The following GREB1L variants were observed in gnomAD, a reference collection of about 807,000 sequenced individuals.
GREB1L encodes the protein GREB1 like retinoic acid receptor coactivator.
In GREB1L, 17 loss-of-function variants were observed where a neutral mutation model predicts 200.8. That is an observed-to-expected ratio of 0.08 (90% CI 0.06 to 0.13). The LOEUF is 0.13. Among genes scored for constraint, GREB1L ranks in the 10% least tolerant of loss-of-function variants. GREB1L has a pLI of 1.00. For synonymous variants in GREB1L, 789 were observed against 893.0 expected, an observed-to-expected ratio of 0.88 and a Z score of 2.08; for missense variants, 1,657 against 2,367.7, an observed-to-expected ratio of 0.70 and a Z score of 6.23.
intron 15 of GREB1L, among the ~76,000 whole-genome samples, chr18:21,466,645 G>T (rs137863440): frequency 6.6e-6 from 1 of 152,082 alleles, no homozygotes; most frequent in East Asian, 1.9e-4. Flanking sequence ...TAAAATTGAA[G>T]ATATATTAAT....
In GREB1L at chr18:21,349,710, T is replaced by G. The variant is rs189461350; in HGVS notation, c.-119-16317T>G. On this transcript the variant is annotated intron_variant, in intron 1 of 32. Transcript: ENST00000424526. ...TATGAGAATCTAATGCCTGATGATCTGTCACTGTCTTCCATCACCACCAGA... is the reference window on the plus strand; with the variant it reads ...TATGAGAATCTAATGCCTGATGATCGGTCACTGTCTTCCATCACCACCAGA... 4.6e-5 allele frequency among the ~76,000 whole-genome samples: 7 copies of G among 152,214 alleles called. No individual in the cohort carries two copies. The East Asian group carries it at 1.3e-3, about 29-fold the overall frequency.
At chr18:21,390,380 A>G (rs1383633522) in intron 4 of GREB1L, among the ~76,000 whole-genome samples, 1 of 151,980 alleles carries the variant, frequency 6.6e-6, no homozygotes, top group East Asian at 1.9e-4. Context: ...ATAGGAGATG[A>G]CCCTCCAAGC....
At chr18:21,511,267 G>A (rs2037227144) in intron 27 of GREB1L, among the ~76,000 whole-genome samples, 1 of 152,140 alleles carries the variant, frequency 6.6e-6, no homozygotes, top group African/African-American at 2.4e-5. Context: ...AAGAGGCTGA[G>A]GCAGGAGAAT....
At chr18:21,334,049 C>T (rs1032722354) in intron 1 of GREB1L, among the ~76,000 whole-genome samples, 8 of 151,900 alleles carry the variant, frequency 5.3e-5, no homozygotes, top group African/African-American at 1.9e-4. Flanking sequence ...CCTACCTTTC[C>T]TAGGGCCCCA....
chr18:21,452,343 T>C, intron 14 of GREB1L, 126 bp downstream of exon 14: 1 of 914,098 alleles, frequency 1.1e-6, no homozygotes, highest in Non-Finnish European at 1.6e-6. Context: ...CCTGATTGTC[T>C]ACATGATAAA....
At chr18:21,279,941 A>AT (rs2038239764) in intron 1 of GREB1L, among the ~76,000 whole-genome samples, 1 of 152,220 alleles carries the variant, frequency 6.6e-6, no homozygotes, top group South Asian at 2.1e-4. Context: ...GCTCCCAAAT[A>AT]TACCGTTTTG....
At chr18:21,353,934 T>C (rs2039469457) in intron 1 of GREB1L, among the ~76,000 whole-genome samples, 1 of 152,000 alleles carries the variant, frequency 6.6e-6, no homozygotes, top group Non-Finnish European at 1.5e-5. Flanking sequence ...TACAGGTGCA[T>C]ACCACCACAC....
intron 6 of GREB1L, among the ~76,000 whole-genome samples, chr18:21,402,997 T>C (rs753917683): frequency 1.9e-4 from 29 of 152,162 alleles, no homozygotes; most frequent in Admixed American, 5.9e-4. Flanking sequence ...CAGAATACAA[T>C]AGCTCTTCAT....
At chr18:21,503,382 T>C (rs2036879304) in intron 23 of GREB1L, among the ~76,000 whole-genome samples, 1 of 151,318 alleles carries the variant, frequency 6.6e-6, no homozygotes, top group Non-Finnish European at 1.5e-5. Context: ...AATTTTTGTA[T>C]TTTTAGTAGA....
chr18:21,395,118 A>G (rs1200026725), intron 4 of GREB1L, among the ~76,000 whole-genome samples: 4 of 150,790 alleles, frequency 2.7e-5, no homozygotes, highest in Admixed American at 6.6e-5. Flanking sequence ...AAAAAAAAAA[A>G]AAAAGAAAAA....
In GREB1L at chr18:21,466,086, C is replaced by T. The variant is rs551268517; in HGVS notation, c.2183-6945C>T. Reference sequence around the variant, plus strand: ...GATTTATATTTTATGCTTAATGTTACGTCCCTGAAGTTGTTCCTGCTGTTG... The same window carrying T: ...GATTTATATTTTATGCTTAATGTTATGTCCCTGAAGTTGTTCCTGCTGTTG... On this transcript the variant is annotated intron_variant, in intron 15 of 32. Transcript: ENST00000424526. 7.2e-5 allele frequency among the ~76,000 whole-genome samples: 11 copies of T among 152,248 alleles called. No individual in the cohort carries two copies. In the South Asian group the frequency reaches 1.0e-3, roughly 14 times the overall value.
chr18:21,501,066 CAAAA>C (rs11295281), intron 23 of GREB1L, among the ~76,000 whole-genome samples: 7 of 87,064 alleles, frequency 8.0e-5, no homozygotes, highest in Non-Finnish European at 1.3e-4. Flanking sequence ...GACTTTGTCT[CAAAA>C]AAAAAAAAAA....
intron 7 of GREB1L, among the ~76,000 whole-genome samples, chr18:21,408,157 G>C (rs1309398612): frequency 1.3e-5 from 2 of 152,030 alleles, no homozygotes; most frequent in Non-Finnish European, 2.9e-5. Flanking sequence ...GATGTTTGAG[G>C]TGATGGATAT....
chr18:21,479,359 G>GTATT (rs2035833396), intron 17 of GREB1L, among the ~76,000 whole-genome samples: 1 of 152,126 alleles, frequency 6.6e-6, no homozygotes, highest in Non-Finnish European at 1.5e-5. Context: ...ATGAAATAGA[G>GTATT]AAACAGGCTT....
At chr18:21,343,915 A>G (rs1427621500) in intron 1 of GREB1L, among the ~76,000 whole-genome samples, 7 of 151,892 alleles carry the variant, frequency 4.6e-5, no homozygotes, top group Admixed American at 3.9e-4. Flanking sequence ...AGGTGGAACT[A>G]CAAGTGTGTA....
In GREB1L at chr18:21,403,976, T is replaced by C; in HGVS notation, c.814T>C (p.Ser272Pro). The C allele has an allele frequency of 2.6e-6, 4 of 1,551,572 alleles. No homozygotes were observed. The highest frequency in any genetic ancestry group is 3.5e-6 in the Non-Finnish European group (4 of 1,146,484). ...AAATGGGACAACTAATGGATACAAATCAGGATTCACTCAGACAGGTATGGG... is the reference window on the plus strand; with the variant it reads ...AAATGGGACAACTAATGGATACAAACCAGGATTCACTCAGACAGGTATGGG... ...PENGTTNGYK[S>P]GFTQTDAANG... The change falls in exon 7 of 33, where the codon TCA (serine) becomes CCA (proline). Residue 272 changes from serine (S) to proline (P), a missense_variant. This residue lies in a region of GREB1L where 289 missense variants were observed against 345.1 expected (regional missense o/e 0.84). Transcript: ENST00000424526.
At chr18:21,249,753 G>A (rs1428267599) in intron 1 of GREB1L, among the ~76,000 whole-genome samples, 7 of 152,054 alleles carry the variant, frequency 4.6e-5, no homozygotes, top group African/African-American at 1.7e-4. Flanking sequence ...CCAGCTACTT[G>A]GGAGGCTGAG....
chr18:21,380,613 T>C (rs1298664781), intron 2 of GREB1L: 1 of 152,212 alleles, frequency 6.6e-6, no homozygotes, highest in African/African-American at 2.4e-5. Context: ...CCTTAATAGT[T>C]GAATGGTAGT....
intron 7 of GREB1L, among the ~76,000 whole-genome samples, chr18:21,414,246 A>G (rs1008572154): frequency 2.0e-5 from 3 of 152,206 alleles, no homozygotes; most frequent in African/African-American, 7.2e-5. Flanking sequence ...CTAGGAAATA[A>G]TTCTGTTAAG....
Sources: gnomAD v4.1 joint callset for allele counts (sites outside exome capture counted in the v4.1 genomes callset) on GRCh38, gnomAD v4.1.1 for gene constraint, gnomAD v4.1.1 regional missense constraint, MANE v1.5 for transcripts, NCBI Gene and HGNC (gene_info 2026-07-23, HGNC 2026-07-21) for gene names.